PLEKHM3: variants seen among roughly 807,000 people sequenced by gnomAD.
PLEKHM3 encodes pleckstrin homology domain-containing family M member 3.
PLEKHM3 carries 45 observed loss-of-function variants against 81.8 expected under a neutral mutation model. That is an observed-to-expected ratio of 0.55 (90% CI 0.43 to 0.71). PLEKHM3 has a LOEUF of 0.71. PLEKHM3 is among the 30% of genes least tolerant of loss of function. The pLI, the probability that PLEKHM3 is intolerant of heterozygous loss-of-function variation, is 0.00. For missense variants in PLEKHM3, 788 were observed against 924.3 expected (o/e 0.85, Z 1.91); for synonymous variants, 352 against 356.4 (o/e 0.99, Z 0.14).
chr2:207,919,307 T>C (rs1418367381), intron 5 of PLEKHM3, among the ~76,000 whole-genome samples: 1 of 152,064 alleles, frequency 6.6e-6, no homozygotes, highest in Non-Finnish European at 1.5e-5. Context: ...TAGTGGGCGA[T>C]GAGGCAGAGA....
chr2:207,923,379 A>T lies in PLEKHM3; in HGVS notation c.1886+7547T>A, dbSNP rs552986636. Among the ~76,000 whole-genome samples the T allele has an allele frequency of 3.3e-5, 5 of 152,284 alleles. No individual in the cohort carries two copies. In the South Asian group the frequency reaches 1.0e-3, roughly 32 times the overall value. On this transcript the variant is annotated intron_variant, in intron 5 of 7. Coordinates refer to ENST00000427836, the MANE Select transcript of PLEKHM3 (RefSeq NM_001080475.3). ...TCCCAGTACTTTGGGAGGCGGAGGC[A>T]GGAGGATCACCTGAGGTCGGGAGTT... is the stretch of plus-strand genomic sequence containing the variant.
At position 207,878,213 on chromosome 2, in the gene PLEKHM3, C is replaced by T. The variant is rs573584388; in HGVS notation, c.1951-16951G>A. Among the ~76,000 whole-genome samples, 15 of 152,236 alleles carry T rather than the reference C, an allele frequency of 9.9e-5. 1 individual carries two copies. Among genetic ancestry groups the T allele is most frequent in the African/African-American group, 2.9e-4 (12 of 41,528 alleles). ...TTGGCCTCCTAAAGTGTTAGGACTGCGCCCAGCCTTGCCCTAGGCTTTTAA... is the reference window on the plus strand; with the variant it reads ...TTGGCCTCCTAAAGTGTTAGGACTGTGCCCAGCCTTGCCCTAGGCTTTTAA... On this transcript the variant is annotated intron_variant, in intron 6 of 7. Transcript: ENST00000427836.
intron 1 of PLEKHM3, among the ~76,000 whole-genome samples, chr2:208,024,161 A>ACTGAACTGAACTGAAC (rs1559289177): frequency 2.0e-5 from 3 of 148,296 alleles, no homozygotes; most frequent in African/African-American, 7.8e-5. Flanking sequence ...ATAAAATAAA[A>ACTGAACTGAACTGAAC]TAAAATAAAA....
intron 6 of PLEKHM3, among the ~76,000 whole-genome samples, chr2:207,896,606 CT>C (rs1322668895): frequency 6.6e-6 from 1 of 152,192 alleles, no homozygotes; most frequent in East Asian, 1.9e-4. Context: ...TCAGTTAATT[CT>C]AAGAGTAAAG....
At position 208,001,458 on chromosome 2, in the gene PLEKHM3, C is replaced by T; in HGVS notation, c.182G>A (p.Arg61Lys). ...LSNITDNGAM[R>K]NVTSLGKGGM... ...CCCCTTGCCCAGGGAGGTGACATTT[C>T]TCATAGCACCATTGTCTGTTATGTT... The change falls in exon 2 of 8, where the codon AGA becomes AAA. Residue 61 changes from arginine to lysine, a missense_variant. Physicochemically the swap from Arg to Lys is conservative, Grantham distance 26. Coordinates refer to ENST00000427836, the MANE Select transcript of PLEKHM3 (RefSeq NM_001080475.3). 3.1e-6 allele frequency: 5 copies of T among 1,614,194 alleles called. No individual in the cohort carries two copies. The highest frequency in any genetic ancestry group is 4.2e-6 in the Non-Finnish European group (5 of 1,180,028).
At chr2:207,829,911 CCCA>C (rs1232483282) in intron 7 of PLEKHM3, among the ~76,000 whole-genome samples, 1 of 152,092 alleles carries the variant, frequency 6.6e-6, no homozygotes, top group Non-Finnish European at 1.5e-5. Context: ...ACTGACTTAC[CCCA>C]CCACCATTCA....
chr2:207,933,084 T>C lies in PLEKHM3; in HGVS notation c.1693-1965A>G, dbSNP rs115779286. On this transcript the variant is annotated intron_variant, in intron 4 of 7. Transcript: ENST00000427836. The stretch of plus-strand genomic sequence containing the variant: ...GTACCTGTTGTGTTGTGTGATCCTA[T>C]AGCATCCTGCAGAGTTAGAGTTACA... Among the ~76,000 whole-genome samples the C allele has an allele frequency of 6.0e-3, 917 of 152,320 alleles. 11 individuals carry two copies. The highest frequency in any genetic ancestry group is 0.021 in the African/African-American group (880 of 41,586).
intron 5 of PLEKHM3, among the ~76,000 whole-genome samples, chr2:207,914,184 C>T (rs1688907225): frequency 6.6e-6 from 1 of 151,958 alleles, no homozygotes; most frequent in Non-Finnish European, 1.5e-5. Context: ...AAGACCCTAT[C>T]TCTAAAAAAA....
At chr2:207,859,718 C>T (rs1257162757) in intron 7 of PLEKHM3, among the ~76,000 whole-genome samples, 1 of 151,976 alleles carries the variant, frequency 6.6e-6, no homozygotes, top group Non-Finnish European at 1.5e-5. Context: ...CTGCCTCAAC[C>T]TCCTGAGTAG....
Position 207,908,506 on chromosome 2 carries a change from G to A in PLEKHM3, c.1950+8C>T, listed in dbSNP as rs776112951. On this transcript the variant is annotated splice_region_variant and intron_variant, in intron 6 of 7. Transcript: ENST00000427836. ...AACAAAAATGAAACAGCCCCTCTGA[G>A]CACTTACCTGCTGCAGGTCGGCAAG... 1.2e-6 allele frequency: 2 copies of A among 1,609,574 alleles called. No homozygotes were observed. Among genetic ancestry groups the A allele is most frequent in the Non-Finnish European group, 1.7e-6 (2 of 1,177,826 alleles).
At chr2:207,986,368 G>A (rs1691719144) in intron 2 of PLEKHM3, among the ~76,000 whole-genome samples, 1 of 152,184 alleles carries the variant, frequency 6.6e-6, no homozygotes, top group Non-Finnish European at 1.5e-5. Flanking sequence ...AAGTTTAGCA[G>A]ATCTATGACA....
intron 6 of PLEKHM3, among the ~76,000 whole-genome samples, chr2:207,897,939 C>T (rs1448613488): frequency 6.6e-6 from 1 of 152,178 alleles, no homozygotes; most frequent in Non-Finnish European, 1.5e-5. Flanking sequence ...GTTTGCATTG[C>T]TGCCCTGACC....
At chr2:208,016,039 C>T (rs558280531) in intron 1 of PLEKHM3, among the ~76,000 whole-genome samples, 85 of 151,926 alleles carry the variant, frequency 5.6e-4, no homozygotes, top group Non-Finnish European at 1.1e-3. Flanking sequence ...ATTAAAAATA[C>T]AAAAATTAGC....
intron 6 of PLEKHM3, among the ~76,000 whole-genome samples, chr2:207,893,335 C>G (rs1341773638): frequency 6.6e-6 from 1 of 152,166 alleles, no homozygotes; most frequent in Non-Finnish European, 1.5e-5. Flanking sequence ...TTTGGGGGAG[C>G]AGGGGAGGGC....
At position 208,012,245 on chromosome 2, in the gene PLEKHM3, G is replaced by A. The variant is rs370608300; in HGVS notation, c.-318-10288C>T. ...TTTTTAGTAGAGACGGGGTTTCACC[G>A]TGTTAGCCAGGATGGTTTCCATCTC... On this transcript the variant is annotated intron_variant, in intron 1 of 7. Coordinates refer to ENST00000427836, the MANE Select transcript of PLEKHM3 (RefSeq NM_001080475.3). Among the ~76,000 whole-genome samples the A allele has an allele frequency of 1.8e-4, 28 of 152,032 alleles. No individual in the cohort carries two copies. In the East Asian group the frequency reaches 2.9e-3, roughly 16 times the overall value.
chr2:207,859,787 G>A (rs570695085), intron 7 of PLEKHM3, among the ~76,000 whole-genome samples: 3 of 152,016 alleles, frequency 2.0e-5, no homozygotes, highest in East Asian at 3.9e-4. Flanking sequence ...TAGTAGAGAC[G>A]GGGTTTCACC....
intron 2 of PLEKHM3, among the ~76,000 whole-genome samples, chr2:207,994,926 G>A (rs1692020471): frequency 6.6e-6 from 1 of 152,110 alleles, no homozygotes; most frequent in East Asian, 1.9e-4. Flanking sequence ...ATAAGGCAAG[G>A]CAATCTCCCA....
intron 3 of PLEKHM3, among the ~76,000 whole-genome samples, chr2:207,954,491 G>C (rs1385692424): frequency 6.6e-6 from 1 of 152,118 alleles, no homozygotes; most frequent in Non-Finnish European, 1.5e-5. Flanking sequence ...ATGAAACAGA[G>C]ATCAAAACCA....
At chr2:207,992,305 T>C (rs1691924988) in intron 2 of PLEKHM3, among the ~76,000 whole-genome samples, 1 of 152,216 alleles carries the variant, frequency 6.6e-6, no homozygotes, top group Non-Finnish European at 1.5e-5. Flanking sequence ...TTTCCTCATT[T>C]GTAGAATCAG....
Sources: allele counts gnomAD v4.1 joint callset (sites outside exome capture counted in the v4.1 genomes callset), GRCh38; gene constraint gnomAD v4.1.1; transcripts MANE v1.5; gene names NCBI Gene and HGNC (gene_info 2026-07-23, HGNC 2026-07-21).